Variants in RFX4 observed in about 807,000 individuals in gnomAD.
RFX4 encodes regulatory factor X4, also known as transcription factor RFX4.
Under a neutral mutation model 95.0 loss-of-function variants are expected in RFX4, and 10 were observed. That is an observed-to-expected ratio of 0.11 (90% CI 0.06 to 0.18). The LOEUF (loss-of-function observed/expected upper bound fraction) is 0.18. Among genes scored for constraint, RFX4 ranks in the 10% least tolerant of loss-of-function variants. The pLI is 1.00. For synonymous variants in RFX4, 321 were observed against 340.7 expected (o/e 0.94, Z 0.64); for missense variants, 640 against 922.0 (o/e 0.69, Z 3.96).
At chr12:106,672,257 A>G (rs923033738) in intron 4 of RFX4, among the ~76,000 whole-genome samples, 1 of 152,158 alleles carries the variant, frequency 6.6e-6, no homozygotes, top group African/African-American at 2.4e-5. Flanking sequence ...GAGATGAGTG[A>G]CATGGCCACC....
intron 4 of RFX4, among the ~76,000 whole-genome samples, chr12:106,673,146 G>T (rs2041319022): frequency 6.6e-6 from 1 of 152,222 alleles, no homozygotes. Context: ...AGGAGCGTCT[G>T]CAAATCCATG....
chr12:106,666,936 T>C (rs1268935872), intron 4 of RFX4, among the ~76,000 whole-genome samples: 1 of 152,138 alleles, frequency 6.6e-6, no homozygotes, highest in African/African-American at 2.4e-5. Flanking sequence ...AATTGTGTTT[T>C]AGCATGCCTT....
In RFX4 at chr12:106,608,312, G is replaced by A. The variant is rs189230876; in HGVS notation, c.44-485G>A. Among the ~76,000 whole-genome samples, 392 of 152,330 alleles carry A rather than the reference G, an allele frequency of 2.6e-3. 2 individuals are homozygous for A. The highest frequency in any genetic ancestry group is 4.2e-3 in the Non-Finnish European group (286 of 68,030). On this transcript the variant is annotated intron_variant, in intron 1 of 17. Transcript: ENST00000392842. ...CTGGCCAAAGGGAGGCAAGCTACAA[G>A]GTTCCCTGCCCTCTTTCAACCAGAG...
At chr12:106,629,289 T>A (rs539894414) in intron 2 of RFX4, among the ~76,000 whole-genome samples, 1 of 152,254 alleles carries the variant, frequency 6.6e-6, no homozygotes, top group African/African-American at 2.4e-5. Flanking sequence ...TTTCCAAACT[T>A]TTGCTGCTAC....
intron 8 of RFX4, among the ~76,000 whole-genome samples, chr12:106,700,577 T>TGA (rs2041969054): frequency 6.6e-6 from 1 of 151,344 alleles, no homozygotes; most frequent in African/African-American, 2.4e-5. Context: ...CGGCTAATTT[T>TGA]TTGTATTTTT....
chr12:106,643,912 ATGTGTG>A (rs2040687841), intron 3 of RFX4, among the ~76,000 whole-genome samples: 1 of 152,202 alleles, frequency 6.6e-6, no homozygotes, highest in African/African-American at 2.4e-5. Context: ...ATGTGTGTGC[ATGTGTG>A]CACTTGTGTG....
intron 1 of RFX4, among the ~76,000 whole-genome samples, chr12:106,597,904 AAG>A (rs2039645112): frequency 6.6e-6 from 1 of 152,112 alleles, no homozygotes; most frequent in Non-Finnish European, 1.5e-5. Flanking sequence ...AAAAAAGAAA[AAG>A]AGGAAAAAGG....
At chr12:106,686,538 C>G (rs1005642536) in intron 5 of RFX4, among the ~76,000 whole-genome samples, 2 of 152,152 alleles carry the variant, frequency 1.3e-5, no homozygotes, top group African/African-American at 2.4e-5. Flanking sequence ...AAGGGACCCT[C>G]AAGTGCTGGT....
intron 4 of RFX4, among the ~76,000 whole-genome samples, chr12:106,666,180 TC>T (rs2041173449): frequency 6.6e-6 from 1 of 152,100 alleles, no homozygotes; most frequent in Non-Finnish European, 1.5e-5. Flanking sequence ...TTTTTTCCTC[TC>T]AATACTTTAA....
chr12:106,645,666 C>T (rs1267628060), intron 3 of RFX4, among the ~76,000 whole-genome samples: 1 of 152,106 alleles, frequency 6.6e-6, no homozygotes, highest in Non-Finnish European at 1.5e-5. Context: ...TGGCACTGTT[C>T]CAAAGAAGAA....
In RFX4 at chr12:106,683,466, GAAAAAAAAAAAA is replaced by G. The variant is rs149587196; in HGVS notation, c.377+1431_377+1442del. Reference sequence around the variant, plus strand: ...AATAATTTTCCAAGATGACTATTCTGAAAAAAAAAAAAAAAAAAAAAAAAAAAAAACAAACCT... The same window carrying G: ...AATAATTTTCCAAGATGACTATTCTGAAAAAAAAAAAAAAAAAACAAACCT... On this transcript the variant is annotated intron_variant, in intron 5 of 17. Transcript: ENST00000392842. 3.7e-4 allele frequency: 19 copies of G among 50,828 alleles called. No individual in the cohort carries two copies. The South Asian group carries it at 7.1e-3, about 19-fold the overall frequency. 3.1% of individuals were successfully genotyped at this position (50,828 alleles called of 1,614,324 possible). A position where few individuals can be genotyped will look rare whatever the true frequency, so the allele number is the denominator to read the frequency against.
At chr12:106,618,251 T>A (rs1330324105) in intron 2 of RFX4, among the ~76,000 whole-genome samples, 1 of 152,060 alleles carries the variant, frequency 6.6e-6, no homozygotes, top group East Asian at 1.9e-4. Flanking sequence ...TGTTATAGAT[T>A]AACAACAGTG....
intron 2 of RFX4, among the ~76,000 whole-genome samples, chr12:106,623,037 C>CT (rs143790292): frequency 0.046 from 5,485 of 120,310 alleles, 191 homozygotes; most frequent in Non-Finnish European, 0.061. Context: ...CAGCATTAGT[C>CT]TTTTTTTTTT....
At chr12:106,660,807 A>G (rs1471438995) in intron 4 of RFX4, among the ~76,000 whole-genome samples, 3 of 152,112 alleles carry the variant, frequency 2.0e-5, no homozygotes, top group African/African-American at 7.2e-5. Context: ...TTAGATTTTC[A>G]CAGGAGTGAG....
At chr12:106,613,195 T>C (rs949225858) in intron 2 of RFX4, among the ~76,000 whole-genome samples, 1 of 148,162 alleles carries the variant, frequency 6.7e-6, no homozygotes, top group African/African-American at 2.5e-5. Flanking sequence ...CTTCCTTGAA[T>C]GCAAGGATGG....
chr12:106,724,792 C>G (rs1250352974), intron 13 of RFX4, among the ~76,000 whole-genome samples: 1 of 151,986 alleles, frequency 6.6e-6, no homozygotes, highest in Non-Finnish European at 1.5e-5. Flanking sequence ...GAGGTGGATT[C>G]CCTGAGGTCA....
chr12:106,606,860 CT>C (rs1264380954), intron 1 of RFX4, among the ~76,000 whole-genome samples: 1 of 152,198 alleles, frequency 6.6e-6, no homozygotes, highest in East Asian at 1.9e-4. Context: ...CTCCGCATAG[CT>C]TACTCGTCCG....
chr12:106,651,174 A>G (rs2040850160), intron 3 of RFX4, among the ~76,000 whole-genome samples: 1 of 152,142 alleles, frequency 6.6e-6, no homozygotes, highest in Non-Finnish European at 1.5e-5. Context: ...CATTAAAAGC[A>G]CATGGCACTG....
At chr12:106,658,641 G>A (rs1163378496) in intron 4 of RFX4, among the ~76,000 whole-genome samples, 1 of 152,152 alleles carries the variant, frequency 6.6e-6, no homozygotes, top group African/African-American at 2.4e-5. Context: ...GGCAACAAGA[G>A]TCATTTGACA....
Sources: gnomAD v4.1 joint callset for allele counts (sites outside exome capture counted in the v4.1 genomes callset) on GRCh38, gnomAD v4.1.1 for gene constraint, MANE v1.5 for transcripts, NCBI Gene and HGNC (gene_info 2026-07-23, HGNC 2026-07-21) for gene names.